The following CACNA1B variants were observed in gnomAD, a reference collection of about 807,000 sequenced individuals.
The protein encoded by CACNA1B is calcium voltage-gated channel subunit alpha1 B.
In CACNA1B, 70 loss-of-function variants were observed where a neutral mutation model predicts 247.2. The observed-to-expected ratio is 0.28, with a 90% CI of 0.23 to 0.35. The LOEUF is 0.35. CACNA1B is among the 10% of genes least tolerant of loss of function. The pLI, the probability that CACNA1B is intolerant of heterozygous loss-of-function variation, is 1.00. For missense variants in CACNA1B, 2,367 were observed against 3,197.4 expected (o/e 0.74, Z 6.26); for synonymous variants, 1,231 against 1,294.4 (o/e 0.95, Z 1.05).
At position 138,010,437 on chromosome 9, in the gene CACNA1B, G is replaced by C. The variant is rs907627684; in HGVS notation, c.2160+360G>C. 6.6e-6 allele frequency among the ~76,000 whole-genome samples: 1 copy of C among 152,188 alleles called. No homozygotes were observed. The highest frequency in any genetic ancestry group is 1.5e-5 in the Non-Finnish European group (1 of 68,018). ...GCTGCTGCTTCAGGCAGTGCTCAGC[G>C]GGTGCCATTTTAATATTCATCTCAT... On this transcript the variant is annotated intron_variant, in intron 17 of 46. Transcript: ENST00000371372. The surrounding 1 kb of genome is among the most constrained non-coding windows in gnomAD (Gnocchi z 5.3).
At chr9:137,966,744 T>C (rs891408097) in intron 10 of CACNA1B, among the ~76,000 whole-genome samples, 3 of 151,890 alleles carry the variant, frequency 2.0e-5, no homozygotes, top group Non-Finnish European at 2.9e-5. Flanking sequence ...TTCACCATGT[T>C]AGCCAGGACA....
At chr9:137,991,964 G>A (rs1253703994) in intron 15 of CACNA1B, among the ~76,000 whole-genome samples, 1 of 151,956 alleles carries the variant, frequency 6.6e-6, no homozygotes, top group Non-Finnish European at 1.5e-5. Flanking sequence ...AAAAATCTTC[G>A]AAATACACCA....
At chr9:137,930,105 G>A (rs1483191290) in intron 6 of CACNA1B, among the ~76,000 whole-genome samples, 3 of 152,112 alleles carry the variant, frequency 2.0e-5, no homozygotes, top group Non-Finnish European at 4.4e-5. Context: ...CCATTGTTGA[G>A]CATCTTTTAT....
chr9:137,908,675 G>C lies in CACNA1B; in HGVS notation c.531-4505G>C, dbSNP rs1350861500. ...AGAGGGAGTCTTGCTCTGTCGCCCA[G>C]GCTTGACTGCAGTGGTGCGATCTTG... On this transcript the variant is annotated intron_variant, in intron 3 of 46. Transcript: ENST00000371372. Among the ~76,000 whole-genome samples the C allele has an allele frequency of 2.0e-5, 3 of 152,038 alleles. No individual in the cohort carries two copies. The East Asian group carries it at 5.8e-4, about 29-fold the overall frequency.
intron 3 of CACNA1B, among the ~76,000 whole-genome samples, chr9:137,901,922 C>T (rs1188280409): frequency 3.3e-5 from 5 of 152,078 alleles, no homozygotes; most frequent in East Asian, 1.9e-4. Context: ...AACTCTTGAC[C>T]TCAAGTGATC....
intron 20 of CACNA1B, among the ~76,000 whole-genome samples, chr9:138,031,112 A>G (rs1958982826): frequency 6.7e-6 from 1 of 150,358 alleles, no homozygotes; most frequent in African/African-American, 2.5e-5. Context: ...CTTCTTTTCT[A>G]GTTTCTTGGG....
chr9:138,122,203 C>G lies in CACNA1B; in HGVS notation c.*204C>G, dbSNP rs200435559. ...TTAGAGGATGCGGCTCTCTCTGTCC[C>G]CTTCCTGTCCTGCCTTCCTGGGTCT... On this transcript the variant is annotated 3_prime_UTR_variant, in exon 47 of 47. Coordinates refer to ENST00000371372, the MANE Select transcript of CACNA1B (RefSeq NM_000718.4). 7.4e-4 allele frequency: 438 copies of G among 594,450 alleles called. 1 individual carries two copies. The highest frequency in any genetic ancestry group is 1.3e-3 in the Admixed American group (44 of 33,504). 36.8% of individuals were successfully genotyped at this position (594,450 alleles called of 1,614,324 possible).
rs565188704 is a variant in CACNA1B, at chr9:137,950,868, C to T, written c.967-1406C>T. Among the ~76,000 whole-genome samples the T allele has an allele frequency of 1.3e-5, 2 of 152,308 alleles. No homozygotes were observed. The highest frequency in any genetic ancestry group is 4.1e-4 in the South Asian group (2 of 4,828). Reference sequence around the variant, plus strand: ...ATGAATAATTTTCAGTATGTTAATTCCACCTAGTGGGAACAATATGGCAGA... The same window carrying T: ...ATGAATAATTTTCAGTATGTTAATTTCACCTAGTGGGAACAATATGGCAGA... On this transcript the variant is annotated intron_variant, in intron 6 of 46. Coordinates refer to ENST00000371372, the MANE Select transcript of CACNA1B (RefSeq NM_000718.4). The surrounding 1 kb of genome is among the most constrained non-coding windows in gnomAD (Gnocchi z 4.8).
Position 137,888,558 on chromosome 9 carries a change from G to A in CACNA1B, c.530+5675G>A, listed in dbSNP as rs1220646740. On this transcript the variant is annotated intron_variant, in intron 3 of 46. Coordinates refer to ENST00000371372, the MANE Select transcript of CACNA1B (RefSeq NM_000718.4). This position sits in a 1 kb window ranked among gnomAD's most constrained non-coding sequence, Gnocchi z 4.7. ...TGGCTCAGGCAGGTGGCTCTCCGGG[G>A]GAGCTTTCCAACCACGGCTTCTTGT... Among the ~76,000 whole-genome samples, 1 of 152,234 alleles carries A rather than the reference G, an allele frequency of 6.6e-6. No homozygotes were observed. The highest frequency in any genetic ancestry group is 2.4e-5 in the African/African-American group (1 of 41,462).
chr9:138,047,338 G>A (rs546549624), intron 22 of CACNA1B, 61 bp from the exon 23 acceptor site: 22 of 1,315,668 alleles, frequency 1.7e-5, no homozygotes, highest in African/African-American at 1.3e-4. Context: ...CGGAGCCACC[G>A]AGGGCACCCT....
At chr9:138,000,308 C>G (rs537875676) in intron 15 of CACNA1B, among the ~76,000 whole-genome samples, 4 of 152,014 alleles carry the variant, frequency 2.6e-5, no homozygotes, top group Non-Finnish European at 4.4e-5. Flanking sequence ...CCGTGTTAGC[C>G]AGGATGGTCT....
chr9:138,076,340 G>C (rs1471650983), intron 35 of CACNA1B, among the ~76,000 whole-genome samples: 1 of 151,974 alleles, frequency 6.6e-6, no homozygotes, highest in Admixed American at 6.5e-5. Context: ...TGGGATCGAG[G>C]GCAGTAGGGC....
At chr9:137,949,165 C>CACGTCTG (rs1589026825) in intron 6 of CACNA1B, among the ~76,000 whole-genome samples, 5 of 105,014 alleles carry the variant, frequency 4.8e-5, no homozygotes, top group East Asian at 3.2e-4. Context: ...GTGGTGTGTG[C>CACGTCTG]GCTTGTGTGT....
intron 3 of CACNA1B, among the ~76,000 whole-genome samples, chr9:137,884,876 C>T (rs1956982442): frequency 6.8e-6 from 1 of 147,280 alleles, no homozygotes; most frequent in Non-Finnish European, 1.5e-5. Flanking sequence ...CTTCCCCTCC[C>T]CTTCTTCCCC....
intron 3 of CACNA1B, among the ~76,000 whole-genome samples, chr9:137,912,782 A>C (rs1050421506): frequency 1.3e-5 from 2 of 152,118 alleles, no homozygotes; most frequent in Non-Finnish European, 2.9e-5. Context: ...CACTCCTCTC[A>C]GAAGGCAGCT....
At chr9:137,921,098 G>A (rs1204198321) in intron 6 of CACNA1B, among the ~76,000 whole-genome samples, 1 of 152,106 alleles carries the variant, frequency 6.6e-6, no homozygotes, top group Non-Finnish European at 1.5e-5. Flanking sequence ...AAAACTATGT[G>A]AGAGGATGAG....
chr9:137,977,599 G>C (rs1210731861), intron 12 of CACNA1B, among the ~76,000 whole-genome samples: 1 of 152,170 alleles, frequency 6.6e-6, no homozygotes, highest in African/African-American at 2.4e-5. Context: ...GGGAGCACAG[G>C]ACACTTCCTG....
intron 6 of CACNA1B, among the ~76,000 whole-genome samples, chr9:137,932,788 A>G (rs545260361): frequency 1.5e-4 from 23 of 152,308 alleles, no homozygotes; most frequent in Non-Finnish European, 2.5e-4. Context: ...TTAACCAGGG[A>G]TGGTTTCCAT....
chr9:138,043,813 A>T lies in CACNA1B; in HGVS notation c.3326A>T (p.Lys1109Met). The T allele has an allele frequency of 6.2e-7, 1 of 1,613,922 alleles. No homozygotes were observed. The highest frequency in any genetic ancestry group is 8.5e-7 in the Non-Finnish European group (1 of 1,179,860). The change falls in exon 21 of 47, where the codon AAG becomes ATG. Residue 1109 changes from lysine (K) to methionine (M), a missense_variant. Around this residue, in one of 12 missense-constraint regions of CACNA1B, gnomAD observed 631 missense variants for 631.1 expected, o/e 1.00. Coordinates refer to ENST00000371372, the MANE Select transcript of CACNA1B (RefSeq NM_000718.4). Reference protein sequence around the residue: ...VDLESQAEGKKEVEADDVMRS... With the variant: ...VDLESQAEGKMEVEADDVMRS... ...CTGGAAAGCCAAGCAGAGGGGAAGA[A>T]GGAGGTGGAAGCGGATGACGTGATG...
Sources: allele counts gnomAD v4.1 joint callset (sites outside exome capture counted in the v4.1 genomes callset), GRCh38; gene constraint gnomAD v4.1.1; regional missense constraint gnomAD v4.1.1; non-coding constraint Gnocchi (gnomAD v3.1); transcripts MANE v1.5; gene names NCBI Gene and HGNC (gene_info 2026-07-23, HGNC 2026-07-21).